Variants in ZNF385D observed in about 807,000 individuals in gnomAD.
The protein encoded by ZNF385D is zinc finger protein 385D.
ZNF385D carries 15 observed loss-of-function variants against 35.8 expected under a neutral mutation model. The ratio of observed to expected loss-of-function variants is 0.42; its 90% CI spans 0.28 to 0.64. The LOEUF (loss-of-function observed/expected upper bound fraction) is 0.64, where lower values mean the gene tolerates loss of function less well. ZNF385D is among the 30% of genes least tolerant of loss of function. ZNF385D has a pLI of 0.23. For synonymous variants in ZNF385D, 212 were observed against 186.8 expected (o/e 1.13, Z -1.10); for missense variants, 474 against 494.6 (o/e 0.96, Z 0.39).
At chr3:22,123,102 G>A (rs923423148) in intron 3 of ZNF385D, among the ~76,000 whole-genome samples, 1 of 152,088 alleles carries the variant, frequency 6.6e-6, no homozygotes, top group Non-Finnish European at 1.5e-5. Flanking sequence ...AAACACTCTG[G>A]ATGATGAGTT....
chr3:21,847,412 T>C (rs1015576751), intron 3 of ZNF385D, among the ~76,000 whole-genome samples: 2 of 152,090 alleles, frequency 1.3e-5, no homozygotes, highest in African/African-American at 4.8e-5. Flanking sequence ...TTGATAAGGC[T>C]GCACCAATAA....
At chr3:21,890,829 G>C (rs1480060075) in intron 3 of ZNF385D, among the ~76,000 whole-genome samples, 1 of 152,162 alleles carries the variant, frequency 6.6e-6, no homozygotes, top group Admixed American at 6.5e-5. Context: ...TTGCATTATG[G>C]AGAAGCCAAA....
At chr3:22,170,469 A>C (rs150641603) in intron 2 of ZNF385D, among the ~76,000 whole-genome samples, 1 of 152,234 alleles carries the variant, frequency 6.6e-6, no homozygotes, top group African/African-American at 2.4e-5. Flanking sequence ...TGAAGTCACT[A>C]TCCAAATTCC....
intron 4 of ZNF385D, among the ~76,000 whole-genome samples, chr3:21,479,934 T>G (rs1181500660): frequency 6.6e-6 from 1 of 152,178 alleles, no homozygotes; most frequent in African/African-American, 2.4e-5. Context: ...TTTGGTCTGC[T>G]TTTTAAAAAT....
At chr3:21,853,845 A>C (rs962427675) in intron 3 of ZNF385D, among the ~76,000 whole-genome samples, 3 of 151,872 alleles carry the variant, frequency 2.0e-5, no homozygotes, top group African/African-American at 7.2e-5. Context: ...AACAAAAGGA[A>C]GATTATATAC....
intron 3 of ZNF385D, among the ~76,000 whole-genome samples, chr3:21,842,615 A>T (rs1207072559): frequency 6.6e-6 from 1 of 152,010 alleles, no homozygotes; most frequent in African/African-American, 2.4e-5. Flanking sequence ...TGGTCTGAGG[A>T]TGTGAATTTA....
intron 5 of ZNF385D, among the ~76,000 whole-genome samples, chr3:21,426,861 C>T (rs1575124033): frequency 1.3e-5 from 2 of 152,168 alleles, no homozygotes; most frequent in African/African-American, 4.8e-5. Context: ...CACATGTTTC[C>T]CTTCTTCAAA....
chr3:21,562,264 A>C (rs913026899), intron 3 of ZNF385D, among the ~76,000 whole-genome samples: 5 of 152,210 alleles, frequency 3.3e-5, no homozygotes, highest in Non-Finnish European at 4.4e-5. Flanking sequence ...GTGTTATGTC[A>C]TATCAATTTA....
intron 3 of ZNF385D, among the ~76,000 whole-genome samples, chr3:21,989,402 A>T (rs891749175): frequency 5.9e-5 from 9 of 152,188 alleles, no homozygotes; most frequent in East Asian, 1.9e-4. Flanking sequence ...GAATACAGTT[A>T]TGATTTTCTG....
intron 1 of ZNF385D, among the ~76,000 whole-genome samples, chr3:21,703,357 G>T (rs1473122446): frequency 6.6e-6 from 1 of 152,092 alleles, no homozygotes; most frequent in Admixed American, 6.6e-5. Flanking sequence ...CTCCCCCTGG[G>T]TCCCTCCTAT....
intron 3 of ZNF385D, among the ~76,000 whole-genome samples, chr3:22,155,811 G>C (rs1441626778): frequency 6.6e-6 from 1 of 152,020 alleles, no homozygotes; most frequent in Non-Finnish European, 1.5e-5. Flanking sequence ...CTCAATTTTT[G>C]TTAAAATAAG....
chr3:22,267,368 T>C (rs1700950020), intron 2 of ZNF385D, among the ~76,000 whole-genome samples: 1 of 151,842 alleles, frequency 6.6e-6, no homozygotes, highest in South Asian at 2.1e-4. Flanking sequence ...GTTTTTTCCA[T>C]TGTTTTACCA....
intron 3 of ZNF385D, among the ~76,000 whole-genome samples, chr3:21,890,632 A>AAAGAG (rs373885817): frequency 0.014 from 2,106 of 152,132 alleles, 43 homozygotes; most frequent in African/African-American, 0.048. Flanking sequence ...AAAGAAAATA[A>AAAGAG]AAGAGAAGAG....
exon 2 of ZNF385D, chr3:22,372,746 G>A (rs115307469): frequency 0.021 from 3,258 of 152,520 alleles, 111 homozygotes; most frequent in African/African-American, 0.074. Flanking sequence ...CGCCGCGCTC[G>A]CGGCGCTCCG....
intron 3 of ZNF385D, among the ~76,000 whole-genome samples, chr3:21,930,232 G>T (rs571379241): frequency 6.7e-6 from 1 of 149,208 alleles, no homozygotes; most frequent in Non-Finnish European, 1.5e-5. Flanking sequence ...GAACTATAGG[G>T]TATCTACATG....
intron 2 of ZNF385D, among the ~76,000 whole-genome samples, chr3:22,265,019 T>C (rs1369121738): frequency 6.6e-6 from 1 of 151,934 alleles, no homozygotes; most frequent in Non-Finnish European, 1.5e-5. Context: ...ACGGACTTTT[T>C]TTCATGCAAC....
At chr3:21,796,543 T>C (rs1435661597) in intron 3 of ZNF385D, among the ~76,000 whole-genome samples, 1 of 151,838 alleles carries the variant, frequency 6.6e-6, no homozygotes, top group Admixed American at 6.6e-5. Flanking sequence ...GATATCCACA[T>C]GCAAAAAAAA....
intron 3 of ZNF385D, among the ~76,000 whole-genome samples, chr3:21,844,652 T>C (rs1340787519): frequency 6.6e-6 from 1 of 152,028 alleles, no homozygotes; most frequent in Non-Finnish European, 1.5e-5. Flanking sequence ...GACATCATTT[T>C]TAAAGTTCAC....
intron 3 of ZNF385D, among the ~76,000 whole-genome samples, chr3:21,514,683 T>C (rs1707447345): frequency 1.3e-5 from 2 of 151,852 alleles, no homozygotes; most frequent in South Asian, 4.1e-4. Flanking sequence ...CTGCTTGCTG[T>C]ATGTCACTTT....
Sources: gnomAD v4.1 joint callset for allele counts (sites outside exome capture counted in the v4.1 genomes callset) on GRCh38, gnomAD v4.1.1 for gene constraint, MANE v1.5 for transcripts, NCBI Gene and HGNC (gene_info 2026-07-23, HGNC 2026-07-21) for gene names.